The following SCN10A variants were observed in gnomAD, a reference collection of about 807,000 sequenced individuals.
The protein encoded by SCN10A is sodium channel protein type 10 subunit alpha.
SCN10A carries 162 observed loss-of-function variants against 170.7 expected under a neutral mutation model. The observed-to-expected ratio is 0.95, with a 90% confidence interval of 0.84 to 1.08. SCN10A has a LOEUF of 1.08. SCN10A is among the 50% of genes least tolerant of loss of function. The pLI is 0.00. For missense variants in SCN10A, 2,527 were observed against 2,436.9 expected (o/e 1.04, Z -0.78); for synonymous variants, 985 against 904.6 (o/e 1.09, Z -1.59).
rs1559417146 is a variant in SCN10A, at chr3:38,713,989, A to G, written c.3773T>C (p.Leu1258Pro). 2.5e-6 allele frequency: 4 copies of G among 1,613,968 alleles called. No homozygotes were observed. The highest frequency in any genetic ancestry group is 2.5e-6 in the Non-Finnish European group (3 of 1,180,044). ...ALRTLRALRP[L>P]RALSRFEGMR... The stretch of plus-strand genomic sequence containing the variant: ...GCCTTCAAATCGAGAAAGAGCCCGC[A>G]GTGGCCGCAGAGCGCGAAGGGTTCG... The change falls in exon 22 of 28, where the codon CTG becomes CCG. Residue 1258 changes from leucine (L) to proline (P), a missense_variant. Physicochemically the swap from Leu to Pro is moderately conservative, Grantham distance 98 (BLOSUM62 -3). Transcript: ENST00000449082.
chr3:38,795,093 T>A (rs1486584080), intron 1 of SCN10A, among the ~76,000 whole-genome samples: 1 of 152,114 alleles, frequency 6.6e-6, no homozygotes, highest in Non-Finnish European at 1.5e-5. Context: ...TTAACTTTCC[T>A]CCAACTTTAA....
chr3:38,722,686 G>A (rs2063406650), intron 19 of SCN10A, among the ~76,000 whole-genome samples: 1 of 151,942 alleles, frequency 6.6e-6, no homozygotes, highest in Admixed American at 6.6e-5. Flanking sequence ...CTGTCCTTCT[G>A]CCCACCTATA....
intron 23 of SCN10A, among the ~76,000 whole-genome samples, chr3:38,711,638 A>T (rs554713839): frequency 1.3e-5 from 2 of 152,360 alleles, no homozygotes; most frequent in African/African-American, 4.8e-5. Context: ...TGACAAATGT[A>T]TAAGTAATTG....
chr3:38,728,377 C>T lies in SCN10A; in HGVS notation c.2640+165G>A, dbSNP rs34786326. The stretch of plus-strand genomic sequence containing the variant: ...CTGCAAGTCAGACTGCCTCCCAAGG[C>T]ACACTTCTTGTAATGAATCCCACAT... On this transcript the variant is annotated intron_variant, in intron 16 of 27. Transcript: ENST00000449082. 0.2 allele frequency among the ~76,000 whole-genome samples: 31,013 copies of T among 152,150 alleles called. 3,722 individuals carry two copies. The highest frequency in any genetic ancestry group is 0.4 in the East Asian group (2,084 of 5,174).
At chr3:38,714,851 C>T (rs936320003) in intron 21 of SCN10A, among the ~76,000 whole-genome samples, 1 of 152,188 alleles carries the variant, frequency 6.6e-6, no homozygotes, top group African/African-American at 2.4e-5. Context: ...CTGCTAGGAA[C>T]TTTGAAGGTG....
chr3:38,799,512 G>C (rs1575186948), intron 1 of SCN10A, among the ~76,000 whole-genome samples: 2 of 152,084 alleles, frequency 1.3e-5, no homozygotes, highest in East Asian at 3.9e-4. Context: ...ATTATGTAAT[G>C]GTATGCTTTT....
intron 3 of SCN10A, among the ~76,000 whole-genome samples, chr3:38,791,426 T>C (rs1331232239): frequency 6.6e-6 from 1 of 152,192 alleles, no homozygotes; most frequent in Non-Finnish European, 1.5e-5. Context: ...ATCATTACAG[T>C]CTTGTATGGC....
chr3:38,728,683 G>A lies in SCN10A; in HGVS notation c.2499C>T (p.His833=), dbSNP rs995722247. The change falls in exon 16 of 28, where the codon CAC becomes CAT. Residue 833 remains histidine, a synonymous_variant. Transcript: ENST00000449082. ...CAATGAGGAAAGAGTGGAAGAAGTC[G>A]TGCATGTGCCAGCGGGGCCAGTCTT... is the stretch of plus-strand genomic sequence containing the variant. ...PHEDWPRWHM[H]DFFHSFLIVF... 3.2e-5 allele frequency: 51 copies of A among 1,614,098 alleles called. No individual in the cohort carries two copies. The highest frequency in any genetic ancestry group is 4.5e-5 in the East Asian group (2 of 44,898).
At chr3:38,713,934 GAGA>G (rs748715760) in intron 22 of SCN10A, 21 bp downstream of exon 22, 24 of 1,612,072 alleles carry the variant, frequency 1.5e-5, no homozygotes, top group Middle Eastern at 2.0e-4. Context: ...GGCCAGATGA[GAGA>G]AGTTTTGAGA....
At chr3:38,810,274 T>G (rs1481632267) in intron 1 of SCN10A, among the ~76,000 whole-genome samples, 1 of 152,166 alleles carries the variant, frequency 6.6e-6, no homozygotes, top group Admixed American at 6.5e-5. Flanking sequence ...TTGGGCAAGG[T>G]TCTAAGCAAG....
chr3:38,783,253 C>T (rs557031273), intron 4 of SCN10A, among the ~76,000 whole-genome samples: 3 of 152,026 alleles, frequency 2.0e-5, no homozygotes, highest in Non-Finnish European at 4.4e-5. Flanking sequence ...ACTACCCATG[C>T]CATAAAATGG....
rs1018712886 is a variant in SCN10A, at chr3:38,755,930, G to A, written c.1319C>T (p.Thr440Ile). ...TGATCCATTGTGGGAGTGGAGAGAG[G>A]TTGTGTCAATCCCTAGTGCTGCTAG... ...EVLAALGIDT[T>I]SLHSHNGSPL... Residue 440 changes from threonine (T) to isoleucine (I), a missense_variant, in exon 11 of 28, where the codon ACC becomes ATC. Physicochemically the swap from Thr to Ile is moderately conservative, Grantham distance 89. Transcript: ENST00000449082. 5.6e-6 allele frequency: 9 copies of A among 1,614,084 alleles called. No individual in the cohort carries two copies. The Admixed American group carries it at 1.5e-4, about 27-fold the overall frequency.
chr3:38,770,326 G>A (rs62244080), intron 5 of SCN10A, among the ~76,000 whole-genome samples: 34,603 of 152,020 alleles, frequency 0.23, 4,213 homozygotes, highest in East Asian at 0.4. Flanking sequence ...GAGAGTTTCT[G>A]GGTTTTGTGT....
In SCN10A at chr3:38,751,019, G is replaced by C. The variant is rs555453515; in HGVS notation, c.1756-835C>G. Among the ~76,000 whole-genome samples the C allele has an allele frequency of 9.2e-5, 14 of 152,306 alleles. No individual in the cohort carries two copies. The Middle Eastern group carries it at 0.01, about 111-fold the overall frequency. ...TCTCCACTGTCTCTGTTCCTGGGGA[G>C]GGAGACCTGTACAAAATGTGTTATC... On this transcript the variant is annotated intron_variant, in intron 12 of 27. Coordinates refer to ENST00000449082, the MANE Select transcript of SCN10A (RefSeq NM_006514.4).
rs779274547 is a variant in SCN10A, at chr3:38,726,776, C to T, written c.2917G>A (p.Gly973Arg). Residue 973 changes from glycine to arginine, a missense_variant, in exon 17 of 28, where the codon GGG becomes AGG. By Grantham distance (125) the Gly-to-Arg change is moderately radical. Transcript: ENST00000449082. ...CTGGGGCCTCTGGGAGCTTGGAGCC[C>T]TCCAGAGCTCCCCCTGGCAGTGTTG... Reference protein sequence around the residue: ...AANTARGSSGGLQAPRGPRDE... With the variant: ...AANTARGSSGRLQAPRGPRDE... The T allele has an allele frequency of 6.2e-7, 1 of 1,611,578 alleles. No individual in the cohort carries two copies. The highest frequency in any genetic ancestry group is 2.2e-5 in the East Asian group (1 of 44,758).
intron 19 of SCN10A, among the ~76,000 whole-genome samples, chr3:38,722,780 A>G (rs2063408069): frequency 6.6e-6 from 1 of 152,228 alleles, no homozygotes; most frequent in Admixed American, 6.5e-5. Flanking sequence ...ACTGAGGGCC[A>G]CGACGTGGCT....
intron 1 of SCN10A, among the ~76,000 whole-genome samples, chr3:38,804,906 G>A (rs534884003): frequency 2.5e-4 from 38 of 152,238 alleles, no homozygotes; most frequent in African/African-American, 8.9e-4. Context: ...GGATATGTCA[G>A]TGTCATAGAA....
At chr3:38,721,359 A>G (rs2063387983) in intron 20 of SCN10A, among the ~76,000 whole-genome samples, 1 of 152,192 alleles carries the variant, frequency 6.6e-6, no homozygotes, top group African/African-American at 2.4e-5. Context: ...CAGCCCTTCA[A>G]CTAATTACCT....
rs35332705 is a variant in SCN10A at position 38,750,172 on chromosome 3, C to T, written c.1768G>A (p.Gly590Arg). 6.0e-4 allele frequency: 971 copies of T among 1,609,618 alleles called. 6 individuals are homozygous for T. The African/African-American group carries it at 0.011, about 18-fold the overall frequency. ...GAVDVSAFDAGQKKTFLSAEY... is the reference protein window; with the variant it reads ...GAVDVSAFDARQKKTFLSAEY... The stretch of plus-strand genomic sequence containing the variant: ...GCTGACAAGAAAGTCTTCTTTTGTC[C>T]TGCATCGAATGCCTGTTGAGACACA... Residue 590 changes from glycine (G) to arginine (R), a missense_variant, in exon 13 of 28, where the codon GGA becomes AGA. Gly to Arg is a moderately radical substitution (Grantham distance 125). Coordinates refer to ENST00000449082, the MANE Select transcript of SCN10A (RefSeq NM_006514.4).
Sources: gnomAD v4.1 joint callset for allele counts (sites outside exome capture counted in the v4.1 genomes callset) on GRCh38, gnomAD v4.1.1 for gene constraint, MANE v1.5 for transcripts, NCBI Gene and HGNC (gene_info 2026-07-23, HGNC 2026-07-21) for gene names.